The following FADS6 variants were observed in gnomAD, a reference collection of about 807,000 sequenced individuals.
The protein encoded by FADS6 is fatty acid desaturase 6.
Under a neutral mutation model 31.7 loss-of-function variants are expected in FADS6, and 28 were observed. The observed-to-expected ratio is 0.88, with a 90% confidence interval of 0.66 to 1.21. The LOEUF (loss-of-function observed/expected upper bound fraction) is 1.21, where lower values mean the gene tolerates loss of function less well. Among genes scored for constraint, FADS6 ranks in the 50% most tolerant of loss-of-function variants. The probability of loss-of-function intolerance (pLI) is 0.00; values close to 1 mark genes in which losing one functional copy is unlikely to be tolerated. For missense variants in FADS6, 494 were observed against 504.2 expected (o/e 0.98, Z 0.19); for synonymous variants, 191 against 213.1 (o/e 0.90, Z 0.90).
At chr17:74,876,447 C>A (rs894554846), downstream of FADS6, among the ~76,000 whole-genome samples, 4 of 152,118 alleles carry the variant, frequency 2.6e-5, no homozygotes, top group African/African-American at 9.7e-5. Context: ...AGTGACGCTG[C>A]TAAACATCCA....
In FADS6 at chr17:74,881,044, C is replaced by T. The variant is rs554149249; in HGVS notation, c.780+24G>A. On this transcript the variant is annotated intron_variant, in intron 4 of 5. Transcript: ENST00000612771. Reference sequence around the variant, plus strand: ...GAGAATGCTCCCCTTAGCTGCCCAGCGCCCCAGGTTGGGGTGGCCTCACCT... The same window carrying T: ...GAGAATGCTCCCCTTAGCTGCCCAGTGCCCCAGGTTGGGGTGGCCTCACCT... 1.5e-5 allele frequency: 24 copies of T among 1,600,238 alleles called. No individual in the cohort carries two copies. In the Admixed American group the frequency reaches 1.5e-4, roughly 10 times the overall value.
intron 2 of FADS6, among the ~76,000 whole-genome samples, chr17:74,888,996 GAGA>G (rs947092963): frequency 1.3e-5 from 2 of 152,228 alleles, no homozygotes; most frequent in Non-Finnish European, 2.9e-5. Flanking sequence ...AGTGGCAGGA[GAGA>G]AGGTCAGGGT....
intron 2 of FADS6, among the ~76,000 whole-genome samples, chr17:74,890,432 C>T (rs1004784793): frequency 2.6e-5 from 4 of 152,124 alleles, no homozygotes; most frequent in Non-Finnish European, 4.4e-5. Flanking sequence ...ACGCATCCCA[C>T]GTAGGTCAGT....
Position 74,877,997 on chromosome 17 carries a change from C to A in FADS6, c.*334G>T. On this transcript the variant is annotated 3_prime_UTR_variant, in exon 6 of 6. Coordinates refer to ENST00000612771, the MANE Select transcript of FADS6 (RefSeq NM_178128.6). ...GCCCCTGCACAGGATCCCTCTTCAC[C>A]CTGTCACCTCCCTTTAACCCTACCA... 1 of 1,065,280 alleles carries A rather than the reference C, an allele frequency of 9.4e-7. No homozygotes were observed. The allele number at this position is 1,065,280 out of a possible 1,614,324, so 66.0% of individuals were successfully genotyped here.
intron 4 of FADS6, 98 bp downstream of exon 4, chr17:74,880,970 T>C: frequency 7.9e-7 from 1 of 1,258,572 alleles, no homozygotes; most frequent in Non-Finnish European, 1.1e-6. Flanking sequence ...ATCCTTCAGG[T>C]GGCCCCTCTC....
intron 1 of FADS6, 36 bp downstream of exon 1, chr17:74,893,316 A>G: frequency 2.7e-6 from 4 of 1,494,438 alleles, no homozygotes; most frequent in Non-Finnish European, 3.5e-6. Context: ...CCCCACCCGC[A>G]GCCCGGCCGG....
chr17:74,879,095 G>A (rs867857063), intron 5 of FADS6: 54 of 258,616 alleles, frequency 2.1e-4, no homozygotes, highest in East Asian at 2.1e-3. Flanking sequence ...CTGGAGTGCA[G>A]TGGCACGATT....
chr17:74,888,062 G>A (rs1013093704), intron 2 of FADS6, among the ~76,000 whole-genome samples: 3 of 151,814 alleles, frequency 2.0e-5, no homozygotes, highest in Non-Finnish European at 4.4e-5. Flanking sequence ...GAAGTGGAAC[G>A]GGGTCTTATT....
chr17:74,879,564 A>T lies in FADS6; in HGVS notation c.800T>A (p.Phe267Tyr). The change falls in exon 5 of 6, where the codon TTC (phenylalanine) becomes TAC (tyrosine). Residue 267 changes from phenylalanine to tyrosine, a missense_variant. Transcript: ENST00000612771. The stretch of plus-strand genomic sequence containing the variant: ...CCGACGGGGCTTGTTGTCCCGGGAG[A>T]ACATGGGCAGTCCGATGTGCTGTGA... Reference protein sequence around the residue: ...NIFQHIGLPMFSRDNKPRRIH... With the variant: ...NIFQHIGLPMYSRDNKPRRIH... The T allele has an allele frequency of 6.2e-7, 1 of 1,612,624 alleles. No homozygotes were observed. Among genetic ancestry groups the T allele is most frequent in the Non-Finnish European group, 8.5e-7 (1 of 1,179,700 alleles).
At chr17:74,890,221 G>C (rs554653180) in intron 2 of FADS6, among the ~76,000 whole-genome samples, 45 of 152,156 alleles carry the variant, frequency 3.0e-4, no homozygotes, top group Non-Finnish European at 5.1e-4. Context: ...GCCTCCCAAA[G>C]TGCTGGGATT....
chr17:74,879,481 C>A lies in FADS6; in HGVS notation c.883G>T (p.Ala295Ser), dbSNP rs368208629. 1 of 1,613,842 alleles carries A rather than the reference C, an allele frequency of 6.2e-7. No individual in the cohort carries two copies. The highest frequency in any genetic ancestry group is 1.3e-5 in the African/African-American group (1 of 74,932). Residue 295 changes from alanine to serine, a missense_variant, in exon 5 of 6, where the codon GCG becomes TCG. By Grantham distance (99) the Ala-to-Ser change is moderately conservative (BLOSUM62 1). This residue lies in a region of FADS6 where 454 missense variants were observed against 438.5 expected (regional missense o/e 1.04). Transcript: ENST00000612771. Reference sequence around the variant, plus strand: ...CAGCTGATGATCGAGTGGCCGAACGCCCAGTCCAGCACGGGCAGCCGGGCC... The same window carrying A: ...CAGCTGATGATCGAGTGGCCGAACGACCAGTCCAGCACGGGCAGCCGGGCC... ...NLARLPVLDW[A>S]FGHSIISCHV...
intron 5 of FADS6, 51 bp from the exon 6 acceptor site, chr17:74,878,528 C>T: frequency 3.1e-6 from 5 of 1,596,230 alleles, no homozygotes; most frequent in Non-Finnish European, 4.3e-6. Flanking sequence ...TGTGGGCAGG[C>T]CCATCATCCC....
rs777088355 is a variant in FADS6 at position 74,892,676 on chromosome 17, C to T, written c.258G>A (p.Leu86=). The T allele has an allele frequency of 6.2e-7, 1 of 1,612,296 alleles. No individual in the cohort carries two copies. The highest frequency in any genetic ancestry group is 8.5e-7 in the Non-Finnish European group (1 of 1,179,268). The stretch of plus-strand genomic sequence containing the variant: ...CAAAGACCAGGGCATTCTCCCAGCG[C>T]AGGCACAGGAAGCCTGCGTGGAGAG... The part of the protein sequence containing the change: ...LFALPAGFLC[L]RWENALVFAS... Residue 86 remains leucine (L), a synonymous_variant, in exon 2 of 6, where the codon CTG becomes CTA. Coordinates refer to ENST00000612771, the MANE Select transcript of FADS6 (RefSeq NM_178128.6).
At chr17:74,878,571 C>A in intron 5 of FADS6, 94 bp from the exon 6 acceptor site, 1 of 1,459,386 alleles carries the variant, frequency 6.9e-7, no homozygotes, top group East Asian at 2.3e-5. Context: ...TCTTCCCACC[C>A]CCAGTTCCTA....
chr17:74,878,913 C>T (rs1475533661), intron 5 of FADS6: 1 of 197,034 alleles, frequency 5.1e-6, no homozygotes, highest in East Asian at 1.6e-4. Context: ...ACCTGGGTAT[C>T]TCTGATCTAA....
chr17:74,887,376 AC>A (rs2038634398), intron 2 of FADS6, among the ~76,000 whole-genome samples: 1 of 151,896 alleles, frequency 6.6e-6, no homozygotes, highest in Non-Finnish European at 1.5e-5. Flanking sequence ...CCTGGCCCAC[AC>A]CCCCATCTTG....
At chr17:74,884,306 G>T (rs551351644) in intron 2 of FADS6, among the ~76,000 whole-genome samples, 1 of 152,170 alleles carries the variant, frequency 6.6e-6, no homozygotes. Flanking sequence ...TACGCTCCCT[G>T]AGCAAGACTG....
At chr17:74,879,854 C>T (rs2038549129) in intron 4 of FADS6, among the ~76,000 whole-genome samples, 1 of 152,208 alleles carries the variant, frequency 6.6e-6, no homozygotes, top group South Asian at 2.1e-4. Flanking sequence ...ATGCTCTCAA[C>T]TGCCTACCAC....
At chr17:74,879,934 T>G (rs1381345918) in intron 4 of FADS6, among the ~76,000 whole-genome samples, 2 of 152,286 alleles carry the variant, frequency 1.3e-5, no homozygotes, top group Admixed American at 1.3e-4. Context: ...CCAGTCAAGA[T>G]CCTACTCATC....
Sources: gnomAD v4.1 joint callset for allele counts (sites outside exome capture counted in the v4.1 genomes callset) on GRCh38, gnomAD v4.1.1 for gene constraint, gnomAD v4.1.1 regional missense constraint, MANE v1.5 for transcripts, NCBI Gene and HGNC (gene_info 2026-07-23, HGNC 2026-07-21) for gene names.